JAZF1: variants seen among roughly 807,000 people sequenced by gnomAD.
JAZF1 encodes the protein JAZF zinc finger 1.
In JAZF1, 8 loss-of-function variants were observed where a neutral mutation model predicts 26.4. The observed-to-expected ratio is 0.30, with a 90% CI of 0.18 to 0.55. The LOEUF (loss-of-function observed/expected upper bound fraction) is 0.55. Among genes scored for constraint, JAZF1 ranks in the 20% least tolerant of loss-of-function variants. The pLI is 0.94. For missense variants in JAZF1, 199 were observed against 322.0 expected, an observed-to-expected ratio of 0.62 and a Z score of 2.92; for synonymous variants, 126 against 122.3, an observed-to-expected ratio of 1.03 and a Z score of -0.20.
chr7:27,998,071 A>AAGGAAGGAAGGAAGGAAGGAAGGCAGGC (rs10691690), intron 1 of JAZF1, among the ~76,000 whole-genome samples: 9 of 111,604 alleles, frequency 8.1e-5, no homozygotes, highest in African/African-American at 3.7e-4. Context: ...GGAAGGAAGG[A>AAGGAAGGAAGGAAGGAAGGAAGGCAGGC]AGGCAGGCAG....
chr7:27,856,954 C>A (rs956868421), intron 3 of JAZF1, among the ~76,000 whole-genome samples: 20 of 152,242 alleles, frequency 1.3e-4, no homozygotes, highest in Non-Finnish European at 1.2e-4. Flanking sequence ...TAAAGATTCT[C>A]CAAGTCTCCA....
Position 28,180,679 on chromosome 7 carries a change from G to C in JAZF1, c.-102C>G, listed in dbSNP as rs543656368. On this transcript the variant is annotated 5_prime_UTR_variant, in exon 1 of 5. Transcript: ENST00000283928. The stretch of plus-strand genomic sequence containing the variant: ...GGTGAGGAGAGGAGGGGCTGGGGGA[G>C]GGGGAGAGAGGCGGGGTGAGGGGAG... 17 of 659,446 alleles carry C rather than the reference G, an allele frequency of 2.6e-5. No homozygotes were observed. Among genetic ancestry groups the C allele is most frequent in the South Asian group, 1.9e-4 (11 of 56,766 alleles). The allele number at this position is 659,446 out of a possible 1,614,324, so 40.8% of individuals were successfully genotyped here.
At chr7:28,097,960 T>C (rs1479417174) in intron 1 of JAZF1, among the ~76,000 whole-genome samples, 1 of 152,180 alleles carries the variant, frequency 6.6e-6, no homozygotes, top group Admixed American at 6.5e-5. Flanking sequence ...AACGTAGTTA[T>C]TATTATTAAA....
intron 3 of JAZF1, among the ~76,000 whole-genome samples, chr7:27,874,239 A>C (rs1483202159): frequency 6.6e-6 from 1 of 152,228 alleles, no homozygotes; most frequent in Admixed American, 6.5e-5. Flanking sequence ...ATGTGGCTGA[A>C]GGAGCTGAGG....
At chr7:27,884,316 G>C (rs1344339419) in intron 3 of JAZF1, among the ~76,000 whole-genome samples, 3 of 152,174 alleles carry the variant, frequency 2.0e-5, no homozygotes, top group Admixed American at 6.5e-5. Flanking sequence ...TTTTCGTAGA[G>C]ACCAGGTCTC....
At chr7:28,113,462 G>A (rs540756247) in intron 1 of JAZF1, among the ~76,000 whole-genome samples, 5 of 152,258 alleles carry the variant, frequency 3.3e-5, no homozygotes, top group African/African-American at 1.2e-4. Context: ...CACTACGAAA[G>A]GACATACTCC....
At chr7:28,121,284 G>A (rs919296765) in intron 1 of JAZF1, among the ~76,000 whole-genome samples, 1 of 152,046 alleles carries the variant, frequency 6.6e-6, no homozygotes, top group East Asian at 1.9e-4. Context: ...AGCTGCCCCT[G>A]CTGGAAGCTA....
chr7:28,176,380 G>A (rs1783551625), intron 1 of JAZF1, among the ~76,000 whole-genome samples: 1 of 152,248 alleles, frequency 6.6e-6, no homozygotes. Flanking sequence ...TGTACTGCCT[G>A]CGCCCAGAAT....
At chr7:27,930,900 A>T (rs565912163) in intron 2 of JAZF1, among the ~76,000 whole-genome samples, 1 of 152,338 alleles carries the variant, frequency 6.6e-6, no homozygotes, top group Admixed American at 6.5e-5. Context: ...TCAGCAGGAC[A>T]GTGGTATTAT....
intron 1 of JAZF1, among the ~76,000 whole-genome samples, chr7:28,084,075 T>A (rs1174453054): frequency 6.6e-6 from 1 of 152,140 alleles, no homozygotes; most frequent in Non-Finnish European, 1.5e-5. Flanking sequence ...CAAACAATAC[T>A]GAAATATATG....
At chr7:27,925,497 T>C (rs1438690877) in intron 2 of JAZF1, among the ~76,000 whole-genome samples, 1 of 152,174 alleles carries the variant, frequency 6.6e-6, no homozygotes, top group Non-Finnish European at 1.5e-5. Context: ...TCATAGCTCA[T>C]TGCAGCCTCT....
intron 2 of JAZF1, among the ~76,000 whole-genome samples, chr7:27,953,378 G>A (rs919471471): frequency 6.6e-6 from 1 of 152,234 alleles, no homozygotes; most frequent in Non-Finnish European, 1.5e-5. Context: ...AAATTTATGT[G>A]TATAAAAAGG....
intron 1 of JAZF1, among the ~76,000 whole-genome samples, chr7:28,168,978 G>A (rs1452314969): frequency 6.6e-6 from 1 of 152,222 alleles, no homozygotes; most frequent in Non-Finnish European, 1.5e-5. Flanking sequence ...AAGTGATTGT[G>A]AATGGCAACC....
In JAZF1 at chr7:28,169,750, G is replaced by A. The variant is rs1783423725; in HGVS notation, c.115+10713C>T. 2.0e-5 allele frequency among the ~76,000 whole-genome samples: 3 copies of A among 152,088 alleles called. No homozygotes were observed. The South Asian group carries it at 6.2e-4, about 32-fold the overall frequency. On this transcript the variant is annotated intron_variant, in intron 1 of 4. Transcript: ENST00000283928. Reference sequence around the variant, plus strand: ...TCTGCTTATTTATGCCTATTACCATGGTGTTCAATTTACTTAACAGAAAAC... The same window carrying A: ...TCTGCTTATTTATGCCTATTACCATAGTGTTCAATTTACTTAACAGAAAAC...
Position 27,865,406 on chromosome 7 carries a change from G to A in JAZF1, c.386-24539C>T, listed in dbSNP as rs553590708. Among the ~76,000 whole-genome samples, 6 of 152,248 alleles carry A rather than the reference G, an allele frequency of 3.9e-5. No individual in the cohort carries two copies. The East Asian group carries it at 9.7e-4, about 25-fold the overall frequency. The stretch of plus-strand genomic sequence containing the variant: ...ACAATGACAAAAGAGATGTGTTCAT[G>A]AAGCTTTTGTTTCAGGGGTGTATGT... On this transcript the variant is annotated intron_variant, in intron 3 of 4. Coordinates refer to ENST00000283928, the MANE Select transcript of JAZF1 (RefSeq NM_175061.4).
chr7:28,117,043 C>T (rs146319960), intron 1 of JAZF1, among the ~76,000 whole-genome samples: 4 of 152,232 alleles, frequency 2.6e-5, no homozygotes, highest in Non-Finnish European at 5.9e-5. Context: ...AGACTGGTCT[C>T]GAACTCCTGA....
chr7:27,990,108 A>C (rs2128364915), intron 2 of JAZF1, among the ~76,000 whole-genome samples: 1 of 152,362 alleles, frequency 6.6e-6, no homozygotes, highest in East Asian at 1.9e-4. Context: ...GCAGCCATAA[A>C]AAAGGATGAG....
chr7:28,106,565 T>C (rs1460901320), intron 1 of JAZF1, among the ~76,000 whole-genome samples: 1 of 152,220 alleles, frequency 6.6e-6, no homozygotes, highest in Non-Finnish European at 1.5e-5. Context: ...ATAAACATTA[T>C]AGGCCTTTCT....
At chr7:28,024,949 C>T (rs904557703) in intron 1 of JAZF1, among the ~76,000 whole-genome samples, 6 of 152,202 alleles carry the variant, frequency 3.9e-5, no homozygotes, top group Non-Finnish European at 5.9e-5. Context: ...GACTGAGGTT[C>T]CTTCTTTGAA....
Sources: gnomAD v4.1 joint callset for allele counts (sites outside exome capture counted in the v4.1 genomes callset) on GRCh38, gnomAD v4.1.1 for gene constraint, MANE v1.5 for transcripts, NCBI Gene and HGNC (gene_info 2026-07-23, HGNC 2026-07-21) for gene names.